The following CENPS variants were observed in gnomAD, a reference collection of about 807,000 sequenced individuals.
The protein encoded by CENPS is centromere protein S, also known as FANCM associated histone fold protein 1.
A neutral mutation model predicts 17.9 loss-of-function variants in CENPS; 16 were observed. That is an observed-to-expected ratio of 0.90 (90% CI 0.61 to 1.36). The LOEUF is 1.36. Among genes scored for constraint, CENPS ranks in the 40% most tolerant of loss-of-function variants. The probability of loss-of-function intolerance (pLI) is 0.00; values close to 1 mark genes in which losing one functional copy is unlikely to be tolerated. For missense variants in CENPS, 160 were observed against 158.6 expected (o/e 1.01, Z -0.05); for synonymous variants, 49 against 55.8 (o/e 0.88, Z 0.54).
chr1:10,439,486 G>A (rs950288303), intron 3 of CENPS, among the ~76,000 whole-genome samples: 2 of 152,156 alleles, frequency 1.3e-5, no homozygotes, highest in East Asian at 1.9e-4. Context: ...GGTGGCTCAC[G>A]CCTGTAATCC....
intron 1 of CENPS, chr1:10,431,527 C>T: frequency 8.2e-7 from 1 of 1,219,320 alleles, no homozygotes; most frequent in Non-Finnish European, 1.1e-6. Flanking sequence ...GACACTTCGC[C>T]TTTACATTTT....
intron 3 of CENPS, among the ~76,000 whole-genome samples, chr1:10,438,204 G>C (rs1640256102): frequency 6.6e-6 from 1 of 152,188 alleles, no homozygotes; most frequent in African/African-American, 2.4e-5. Context: ...GAGTGCAGTG[G>C]TGTGATCTCG....
chr1:10,440,250 C>T, intron 3 of CENPS, 97 bp from the exon 4 acceptor site: 1 of 1,472,826 alleles, frequency 6.8e-7, no homozygotes, highest in East Asian at 2.4e-5. Flanking sequence ...ACTTAGAGAT[C>T]CCTGCTAGTT....
At chr1:10,441,025 C>G (rs551296896) in intron 4 of CENPS, among the ~76,000 whole-genome samples, 1 of 152,218 alleles carries the variant, frequency 6.6e-6, no homozygotes, top group African/African-American at 2.4e-5. Context: ...GCTTTTGTCT[C>G]TTTGTTCTCT....
intron 1 of CENPS, 30 bp from the exon 2 acceptor site, chr1:10,433,811 AC>A: frequency 1.9e-6 from 3 of 1,613,612 alleles, no homozygotes; most frequent in Non-Finnish European, 2.5e-6. Flanking sequence ...TTGCAGCCTT[AC>A]CCGTGAAATA....
chr1:10,437,152 GTTTC>G (rs1157514631), intron 3 of CENPS, among the ~76,000 whole-genome samples: 1 of 152,004 alleles, frequency 6.6e-6, no homozygotes, highest in Non-Finnish European at 1.5e-5. Context: ...TTATTTTCTT[GTTTC>G]TTGTTTCTTT....
intron 3 of CENPS, among the ~76,000 whole-genome samples, chr1:10,436,960 A>G (rs190005256): frequency 6.6e-6 from 1 of 152,282 alleles, no homozygotes; most frequent in East Asian, 1.9e-4. Context: ...TATTCCTGGA[A>G]GGTCAGCTTT....
chr1:10,437,528 C>T (rs1640222567), intron 3 of CENPS, among the ~76,000 whole-genome samples: 1 of 150,976 alleles, frequency 6.6e-6, no homozygotes, highest in African/African-American at 2.4e-5. Context: ...GCGATCTCAA[C>T]TCACCGCAAC....
At chr1:10,440,549 G>T (rs1640363957) in intron 4 of CENPS, 136 bp downstream of exon 4, 2 of 1,165,018 alleles carry the variant, frequency 1.7e-6, no homozygotes, top group African/African-American at 1.6e-5. Context: ...ATTCAGACCT[G>T]CCTGTAATTT....
intron 3 of CENPS, 103 bp from the exon 4 acceptor site, chr1:10,440,244 A>C: frequency 9.9e-4 from 1,328 of 1,343,488 alleles, no homozygotes; most frequent in Non-Finnish European, 1.2e-3. Context: ...TGGGCTACTT[A>C]GAGATCCCTG....
At chr1:10,440,138 G>C (rs1299117997) in intron 3 of CENPS, 1 of 612,024 alleles carries the variant, frequency 1.6e-6, no homozygotes, top group Admixed American at 3.5e-5. Flanking sequence ...GTGGAGAGAT[G>C]GGCCTCCGCA....
At chr1:10,431,995 T>G (rs902285852) in intron 1 of CENPS, among the ~76,000 whole-genome samples, 2 of 152,184 alleles carry the variant, frequency 1.3e-5, no homozygotes, top group Non-Finnish European at 2.9e-5. Context: ...GATGTTTCTT[T>G]TAACTGTCTT....
Position 10,430,479 on chromosome 1 carries a change from C to T in CENPS, c.-39C>T. ...ACCTGGCCGCGCACCACCGCCCCTT[C>T]TCGGCCCTCCTGCGTTTGCCCAGGG... On this transcript the variant is annotated 5_prime_UTR_variant, in exon 1 of 5. Coordinates refer to ENST00000309048, the MANE Select transcript of CENPS (RefSeq NM_199294.3). The T allele has an allele frequency of 6.5e-7, 1 of 1,532,456 alleles. No individual in the cohort carries two copies. Among genetic ancestry groups the T allele is most frequent in the African/African-American group, 1.4e-5 (1 of 70,006 alleles). The allele number at this position is 1,532,456 out of a possible 1,614,324, so 94.9% of individuals were successfully genotyped here.
At chr1:10,441,228 C>A (rs1640393803) in intron 4 of CENPS, among the ~76,000 whole-genome samples, 1 of 151,216 alleles carries the variant, frequency 6.6e-6, no homozygotes, top group Non-Finnish European at 1.5e-5. Flanking sequence ...CTCTCTGTTG[C>A]CCAGGCTGGT....
At chr1:10,439,665 C>T (rs1389047608) in intron 3 of CENPS, among the ~76,000 whole-genome samples, 2 of 152,106 alleles carry the variant, frequency 1.3e-5, no homozygotes, top group South Asian at 2.1e-4. Flanking sequence ...TGCTTTAACC[C>T]GGGAGGCGGA....
In CENPS at chr1:10,430,462, G is replaced by C. The variant is rs1639847957; in HGVS notation, c.-56G>C. 6 of 1,525,840 alleles carry C rather than the reference G, an allele frequency of 3.9e-6. No individual in the cohort carries two copies. The highest frequency in any genetic ancestry group is 1.4e-5 in the African/African-American group (1 of 69,360). The allele number at this position is 1,525,840 out of a possible 1,614,324, so 94.5% of individuals were successfully genotyped here. A position where few individuals can be genotyped will look rare whatever the true frequency, so the allele number is the denominator to read the frequency against. The stretch of plus-strand genomic sequence containing the variant: ...CGCGGCGGGAAAATCCGACCTGGCC[G>C]CGCACCACCGCCCCTTCTCGGCCCT... On this transcript the variant is annotated 5_prime_UTR_variant, in exon 1 of 5. Coordinates refer to ENST00000309048, the MANE Select transcript of CENPS (RefSeq NM_199294.3).
chr1:10,430,574 G>A lies in CENPS; in HGVS notation c.51+6G>A. ...AGCGATTCTCTTACCAACAGGTACA[G>A]GAAAACGGGGGTCGGGCTGGGCTGG... On this transcript the variant is annotated splice_donor_region_variant and intron_variant, in intron 1 of 4. Transcript: ENST00000309048. The A allele has an allele frequency of 6.5e-7, 1 of 1,533,882 alleles. No homozygotes were observed. Among genetic ancestry groups the A allele is most frequent in the Non-Finnish European group, 8.8e-7 (1 of 1,140,810 alleles).
At chr1:10,431,303 G>A in intron 1 of CENPS, 2 of 1,535,230 alleles carry the variant, frequency 1.3e-6, no homozygotes, top group Non-Finnish European at 1.7e-6. Context: ...AGCTCCAGAC[G>A]CGGGAGTTTC....
chr1:10,430,771 C>T, intron 1 of CENPS: 1 of 1,391,018 alleles, frequency 7.2e-7, no homozygotes, highest in Non-Finnish European at 9.3e-7. Context: ...CTGGCCTGCG[C>T]TGGCTGGGGA....
Sources: gnomAD v4.1 joint callset for allele counts (sites outside exome capture counted in the v4.1 genomes callset) on GRCh38, gnomAD v4.1.1 for gene constraint, MANE v1.5 for transcripts, NCBI Gene and HGNC (gene_info 2026-07-23, HGNC 2026-07-21) for gene names.